Variants in MAP3K5 observed in about 807,000 individuals in gnomAD.
MAP3K5 encodes the protein mitogen-activated protein kinase kinase kinase 5, also known as ASK-1.
In MAP3K5, 56 loss-of-function variants were observed where a neutral mutation model predicts 158.7. The ratio of observed to expected loss-of-function variants is 0.35; its 90% CI spans 0.28 to 0.44. The LOEUF (loss-of-function observed/expected upper bound fraction) is 0.44, where lower values mean the gene tolerates loss of function less well. Ranked by LOEUF, MAP3K5 falls within the 20% of genes least tolerant of loss-of-function variation. The pLI, the probability that MAP3K5 is intolerant of heterozygous loss-of-function variation, is 1.00. For synonymous variants in MAP3K5, 579 were observed against 601.7 expected, an observed-to-expected ratio of 0.96 and a Z score of 0.55; for missense variants, 1,294 against 1,674.8, an observed-to-expected ratio of 0.77 and a Z score of 3.97.
At chr6:136,608,908 C>T (rs910977717) in intron 18 of MAP3K5, among the ~76,000 whole-genome samples, 23 of 152,258 alleles carry the variant, frequency 1.5e-4, no homozygotes, top group African/African-American at 5.5e-4. Context: ...TGGGACTAAC[C>T]CACCTGGGAC....
chr6:136,582,117 A>T (rs1774907488), intron 24 of MAP3K5, among the ~76,000 whole-genome samples: 1 of 152,276 alleles, frequency 6.6e-6, no homozygotes, highest in Admixed American at 6.5e-5. Flanking sequence ...ATTAGGTGGA[A>T]GAGGGATCTG....
intron 8 of MAP3K5, among the ~76,000 whole-genome samples, chr6:136,665,095 G>C (rs943334749): frequency 6.6e-6 from 1 of 152,086 alleles, no homozygotes; most frequent in Non-Finnish European, 1.5e-5. Flanking sequence ...TTGTTCCTTT[G>C]TGACTAACAA....
At chr6:136,658,596 G>A (rs146605219) in intron 9 of MAP3K5, among the ~76,000 whole-genome samples, 3,688 of 152,150 alleles carry the variant, frequency 0.024, 152 homozygotes, top group African/African-American at 0.084. Context: ...TTACAGGTGT[G>A]AGCCACCGTG....
intron 11 of MAP3K5, among the ~76,000 whole-genome samples, chr6:136,647,456 C>G (rs1778315742): frequency 6.6e-6 from 1 of 152,194 alleles, no homozygotes. Context: ...GATGCTGACC[C>G]TGGGTTCATA....
intron 25 of MAP3K5, among the ~76,000 whole-genome samples, chr6:136,569,506 T>C (rs577824439): frequency 1.5e-4 from 23 of 152,352 alleles, no homozygotes; most frequent in African/African-American, 5.3e-4. Context: ...CTTAACTCTT[T>C]CAACCAATTG....
chr6:136,765,248 G>A (rs760490480), intron 1 of MAP3K5, among the ~76,000 whole-genome samples: 4 of 151,890 alleles, frequency 2.6e-5, no homozygotes, highest in East Asian at 1.9e-4. Flanking sequence ...AATTCCTTAC[G>A]TGCATGATCT....
rs554869260 is a variant in MAP3K5, at chr6:136,703,072, A to C, written c.612+2038T>G. 2.6e-5 allele frequency among the ~76,000 whole-genome samples: 4 copies of C among 152,252 alleles called. No individual in the cohort carries two copies. In the South Asian group the frequency reaches 8.3e-4, roughly 32 times the overall value. On this transcript the variant is annotated intron_variant, in intron 3 of 29. Coordinates refer to ENST00000359015, the MANE Select transcript of MAP3K5 (RefSeq NM_005923.4). ...CAATTCTGGTTTTCAATTTTTAGAAACTACATAAAGGTAAATAGAAGTGTG... is the reference window on the plus strand; with the variant it reads ...CAATTCTGGTTTTCAATTTTTAGAACCTACATAAAGGTAAATAGAAGTGTG...
chr6:136,693,451 G>T (rs796650289), intron 7 of MAP3K5, among the ~76,000 whole-genome samples: 29 of 152,180 alleles, frequency 1.9e-4, no homozygotes, highest in Middle Eastern at 3.4e-3. Flanking sequence ...GAAAACCCCT[G>T]CTGGGGGGAA....
At chr6:136,762,797 C>G (rs1470159412) in intron 1 of MAP3K5, among the ~76,000 whole-genome samples, 1 of 152,152 alleles carries the variant, frequency 6.6e-6, no homozygotes, top group East Asian at 1.9e-4. Flanking sequence ...AGTCCTCTCC[C>G]CCTTCCTCCT....
chr6:136,761,288 T>TAAAAAA (rs368661488), intron 1 of MAP3K5, among the ~76,000 whole-genome samples: 2 of 118,426 alleles, frequency 1.7e-5, no homozygotes, highest in East Asian at 2.4e-4. Context: ...ACCCTAACTT[T>TAAAAAA]AAAAAAAAAA....
intron 14 of MAP3K5, among the ~76,000 whole-genome samples, chr6:136,632,302 C>CA (rs1223733755): frequency 6.6e-6 from 1 of 152,114 alleles, no homozygotes; most frequent in East Asian, 1.9e-4. Flanking sequence ...AGGCAGATCA[C>CA]TTGAGGTCAG....
intron 13 of MAP3K5, among the ~76,000 whole-genome samples, chr6:136,638,968 G>A (rs190228020): frequency 1.3e-4 from 20 of 152,272 alleles, no homozygotes; most frequent in Non-Finnish European, 2.2e-4. Flanking sequence ...ATTAGCCCAA[G>A]AGAAACATAC....
At chr6:136,773,951 T>C (rs2115015572) in intron 1 of MAP3K5, among the ~76,000 whole-genome samples, 1 of 152,274 alleles carries the variant, frequency 6.6e-6, no homozygotes, top group East Asian at 1.9e-4. Context: ...TGAGTCACCA[T>C]GCCCCGCCGT....
At chr6:136,689,547 G>T (rs1780299320) in intron 7 of MAP3K5, among the ~76,000 whole-genome samples, 1 of 152,174 alleles carries the variant, frequency 6.6e-6, no homozygotes, top group Admixed American at 6.5e-5. Context: ...AGTGTTAGGA[G>T]ATGGAGCCTA....
intron 21 of MAP3K5, among the ~76,000 whole-genome samples, chr6:136,596,608 G>A (rs982586447): frequency 1.3e-5 from 2 of 152,220 alleles, no homozygotes; most frequent in African/African-American, 2.4e-5. Context: ...AGAGGCAGAA[G>A]CTGGAGGAGT....
intron 14 of MAP3K5, among the ~76,000 whole-genome samples, chr6:136,628,846 G>T (rs1214927810): frequency 6.6e-6 from 1 of 152,082 alleles, no homozygotes; most frequent in Non-Finnish European, 1.5e-5. Flanking sequence ...GATAAAGATA[G>T]AAATTGAAAT....
intron 1 of MAP3K5, among the ~76,000 whole-genome samples, chr6:136,772,440 T>A (rs1304267423): frequency 6.6e-6 from 1 of 151,560 alleles, no homozygotes; most frequent in Non-Finnish European, 1.5e-5. Flanking sequence ...CATTCCAAGA[T>A]GTGCAGTAAA....
At chr6:136,769,662 T>C (rs1248151441) in intron 1 of MAP3K5, among the ~76,000 whole-genome samples, 1 of 148,298 alleles carries the variant, frequency 6.7e-6, no homozygotes, top group Non-Finnish European at 1.5e-5. Flanking sequence ...CCATATCACA[T>C]TCACTTTTTA....
At chr6:136,714,609 T>C (rs1475566755) in intron 2 of MAP3K5, among the ~76,000 whole-genome samples, 1 of 152,182 alleles carries the variant, frequency 6.6e-6, no homozygotes, top group East Asian at 1.9e-4. Flanking sequence ...GATCTGTTGA[T>C]AAATATGTGG....
Sources: allele counts gnomAD v4.1 joint callset (sites outside exome capture counted in the v4.1 genomes callset), GRCh38; gene constraint gnomAD v4.1.1; transcripts MANE v1.5; gene names NCBI Gene and HGNC (gene_info 2026-07-23, HGNC 2026-07-21).